LTBR: variants seen among roughly 807,000 people sequenced by gnomAD.
The protein encoded by LTBR is lymphotoxin beta receptor, also known as tumor necrosis factor receptor superfamily member 3.
A neutral mutation model predicts 45.4 loss-of-function variants in LTBR; 15 were observed. That is an observed-to-expected ratio of 0.33 (90% CI 0.22 to 0.51). LTBR has a LOEUF of 0.51. Among genes scored for constraint, LTBR ranks in the 20% least tolerant of loss-of-function variants. The pLI is 0.97. For missense variants in LTBR, 450 were observed against 565.5 expected (o/e 0.80, Z 2.07); for synonymous variants, 228 against 231.0 (o/e 0.99, Z 0.12).
chr12:6,386,495 T>A lies in LTBR; in HGVS notation c.667+51T>A. ...GGGGGGGGCGCCTCTGAAAATGCCTTAATGCTCCACATCTTAAAAAAAATG... is the reference window on the plus strand; with the variant it reads ...GGGGGGGGCGCCTCTGAAAATGCCTAAATGCTCCACATCTTAAAAAAAATG... On this transcript the variant is annotated intron_variant, in intron 6 of 9. Coordinates refer to ENST00000228918, the MANE Select transcript of LTBR (RefSeq NM_002342.3). The surrounding 1 kb of genome is among the most constrained non-coding windows in gnomAD (Gnocchi z 4.1). 1 of 1,383,782 alleles carries A rather than the reference T, an allele frequency of 7.2e-7. No individual in the cohort carries two copies. Among genetic ancestry groups the A allele is most frequent in the Non-Finnish European group, 1.0e-6 (1 of 976,338 alleles). 85.7% of individuals were successfully genotyped at this position (1,383,782 alleles called of 1,614,324 possible).
chr12:6,378,578 C>T (rs1948943947), intron 1 of LTBR, among the ~76,000 whole-genome samples: 1 of 151,982 alleles, frequency 6.6e-6, no homozygotes, highest in Non-Finnish European at 1.5e-5. Flanking sequence ...TGGACAAAGA[C>T]TTTTTCCAGC....
chr12:6,390,020 AAG>A (rs1353793259), intron 8 of LTBR, 90 bp from the exon 9 acceptor site: 1 of 794,804 alleles, frequency 1.3e-6, no homozygotes, highest in African/African-American at 1.7e-5. Flanking sequence ...GAAAGAAAGA[AAG>A]AGAAAGAGAG....
chr12:6,389,209 G>C (rs1366558654), intron 8 of LTBR: 1 of 195,860 alleles, frequency 5.1e-6, no homozygotes, highest in African/African-American at 2.3e-5. Flanking sequence ...AAGAAGCAAG[G>C]AGCCAGCCAT....
At chr12:6,387,412 C>T (rs1331594808) in intron 6 of LTBR, 1 of 152,200 alleles carries the variant, frequency 6.6e-6, no homozygotes, top group Non-Finnish European at 1.5e-5. Context: ...GTATCAAATA[C>T]AACTGGCATT....
rs1949102871 is a variant in LTBR at position 6,390,643 on chromosome 12, T to C, written c.1031-17T>C. ...TGGGGGCCTTCCTTCCTCAACACTC[T>C]GCCTCCCTTCCTACAGGTACCAATG... On this transcript the variant is annotated splice_polypyrimidine_tract_variant and intron_variant, in intron 9 of 9. Transcript: ENST00000228918. 6.0e-6 allele frequency: 9 copies of C among 1,500,008 alleles called. No homozygotes were observed. The highest frequency in any genetic ancestry group is 8.0e-6 in the Non-Finnish European group (9 of 1,125,236). 92.9% of individuals were successfully genotyped at this position (1,500,008 alleles called of 1,614,324 possible).
chr12:6,385,489 C>A, intron 4 of LTBR, 110 bp downstream of exon 4: 1 of 1,282,688 alleles, frequency 7.8e-7, no homozygotes, highest in Non-Finnish European at 1.1e-6. Flanking sequence ...AGATCCTTGG[C>A]TTAAAATTCC....
chr12:6,388,515 G>C lies in LTBR; in HGVS notation c.775+10G>C. The C allele has an allele frequency of 6.2e-7, 1 of 1,611,194 alleles. No individual in the cohort carries two copies. The highest frequency in any genetic ancestry group is 8.5e-7 in the Non-Finnish European group (1 of 1,177,438). Reference sequence around the variant, plus strand: ...CTCTGCAGGAAACTGGGTAGGAAAGGGTTGGATGCAGTGGATGGTTGGCAA... The same window carrying C: ...CTCTGCAGGAAACTGGGTAGGAAAGCGTTGGATGCAGTGGATGGTTGGCAA... On this transcript the variant is annotated intron_variant, in intron 7 of 9. Coordinates refer to ENST00000228918, the MANE Select transcript of LTBR (RefSeq NM_002342.3). This position sits in a 1 kb window ranked among gnomAD's most constrained non-coding sequence, Gnocchi z 4.3.
Position 6,384,435 on chromosome 12 carries a change from C to A in LTBR, c.77C>A (p.Ala26Glu), listed in dbSNP as rs1421299111. Residue 26 changes from alanine (A) to glutamate (E), a missense_variant, in exon 1 of 10, where the codon GCA (alanine) becomes GAA (glutamate). Ala to Glu is a moderately radical substitution (Grantham distance 107, BLOSUM62 -1). Around this residue, in one of 3 missense-constraint regions of LTBR, gnomAD observed 367 missense variants for 435.4 expected, o/e 0.84. Coordinates refer to ENST00000228918, the MANE Select transcript of LTBR (RefSeq NM_002342.3). ...GTGCTGGGCCTCTTCGGGCTCCTGG[C>A]AGCATCGCAGCCCCAGGCGGTGAGG... is the stretch of plus-strand genomic sequence containing the variant. Reference protein sequence around the residue: ...PLVLGLFGLLAASQPQAVPPY... With the variant: ...PLVLGLFGLLEASQPQAVPPY... The A allele has an allele frequency of 6.5e-7, 1 of 1,549,512 alleles. No individual in the cohort carries two copies. The highest frequency in any genetic ancestry group is 1.9e-5 in the Admixed American group (1 of 51,458).
In LTBR at chr12:6,388,590, C is replaced by T. The variant is rs1008919426; in HGVS notation, c.775+85C>T. On this transcript the variant is annotated intron_variant, in intron 7 of 9. Transcript: ENST00000228918. The surrounding 1 kb of genome is among the most constrained non-coding windows in gnomAD (Gnocchi z 4.3). ...AACTTCCCCGGTGCAACCCTCCACA[C>T]CCTCAAGACTCCCAATGCCTACCCC... The T allele has an allele frequency of 4.1e-6, 5 of 1,229,304 alleles. No individual in the cohort carries two copies. The East Asian group carries it at 1.2e-4, about 29-fold the overall frequency. 76.1% of individuals were successfully genotyped at this position (1,229,304 alleles called of 1,614,324 possible). A position where few individuals can be genotyped will look rare whatever the true frequency, so the allele number is the denominator to read the frequency against.
intron 1 of LTBR, 39 bp from the exon 2 acceptor site, chr12:6,384,549 G>A (rs1169344463): frequency 6.2e-7 from 1 of 1,611,270 alleles, no homozygotes; most frequent in Admixed American, 1.7e-5. Context: ...GCTGACCCCT[G>A]ACTAATTCTT....
intron 1 of LTBR, chr12:6,377,620 C>T: frequency 7.7e-7 from 1 of 1,291,154 alleles, no homozygotes; most frequent in Non-Finnish European, 1.0e-6. Flanking sequence ...CCCCACATAT[C>T]CCAGAGACCC....
rs1949018566 is a variant in LTBR at position 6,384,679 on chromosome 12, C to T, written c.188C>T (p.Pro63Leu). The stretch of plus-strand genomic sequence containing the variant: ...CACCGCATCTGCTGCTCCCGCTGCC[C>T]GCCAGGTGAGAGGCAATGGCAGGAC... ...PQHRICCSRC[P>L]PGTYVSAKCS... The change falls in exon 2 of 10, where the codon CCG (proline) becomes CTG (leucine). Residue 63 changes from proline to leucine, a missense_variant. Pro to Leu is a moderately conservative substitution (Grantham distance 98, BLOSUM62 -3). This residue lies in a region of LTBR where 367 missense variants were observed against 435.4 expected (regional missense o/e 0.84). Transcript: ENST00000228918. 1 of 1,614,084 alleles carries T rather than the reference C, an allele frequency of 6.2e-7. No homozygotes were observed. Among genetic ancestry groups the T allele is most frequent in the Non-Finnish European group, 8.5e-7 (1 of 1,179,938 alleles).
upstream of LTBR, chr12:6,375,221 GT>G (rs1466462318): frequency 1.1e-5 from 16 of 1,441,552 alleles, no homozygotes; most frequent in Non-Finnish European, 9.1e-7. Context: ...TCTGCCTTCT[GT>G]TTCTCTTTGG....
chr12:6,384,441 CGCA>C lies in LTBR; in HGVS notation c.86_88del (p.Gln29del). On this transcript the variant is annotated inframe_deletion, in exon 1 of 10. Coordinates refer to ENST00000228918, the MANE Select transcript of LTBR (RefSeq NM_002342.3). ...GGCCTCTTCGGGCTCCTGGCAGCAT[CGCA>C]GCCCCAGGCGGTGAGGAAGGGGCCT... 23 of 1,551,550 alleles carry C rather than the reference CGCA, an allele frequency of 1.5e-5. No individual in the cohort carries two copies. The highest frequency in any genetic ancestry group is 1.9e-5 in the Non-Finnish European group (22 of 1,150,712).
At chr12:6,381,936 C>T (rs916757745), upstream of LTBR, among the ~76,000 whole-genome samples, 3 of 152,166 alleles carry the variant, frequency 2.0e-5, no homozygotes, top group African/African-American at 4.8e-5. Flanking sequence ...TGCACCACTG[C>T]ACTCCAGCCT....
chr12:6,386,416 A>G lies in LTBR; in HGVS notation c.639A>G (p.Pro213=), dbSNP rs374274216. The G allele has an allele frequency of 1.9e-6, 3 of 1,613,208 alleles. No individual in the cohort carries two copies. Among genetic ancestry groups the G allele is most frequent in the East Asian group, 4.5e-5 (2 of 44,876 alleles). Residue 213 remains proline (P), a synonymous_variant, in exon 6 of 10, where the codon CCA becomes CCG. Coordinates refer to ENST00000228918, the MANE Select transcript of LTBR (RefSeq NM_002342.3). The surrounding 1 kb of genome is among the most constrained non-coding windows in gnomAD (Gnocchi z 4.1). ...TAQSDTTCKN[P]LEPLPPEMSG... ...AGTCCGACACAACCTGCAAAAATCCATTAGAGCCACTGCCCCCAGAGATGT... is the reference window on the plus strand; with the variant it reads ...AGTCCGACACAACCTGCAAAAATCCGTTAGAGCCACTGCCCCCAGAGATGT...
chr12:6,388,235 T>C lies in LTBR; in HGVS notation c.668-163T>C. The C allele has an allele frequency of 1.7e-6, 1 of 594,608 alleles. No individual in the cohort carries two copies. Among genetic ancestry groups the C allele is most frequent in the South Asian group, 2.0e-5 (1 of 50,880 alleles). 36.8% of individuals were successfully genotyped at this position (594,608 alleles called of 1,614,324 possible). ...CCCCTTCTCTATAACCCAAGGGAAG[T>C]TTCTCTCATTCTGCCTTTAGGAGCT... is the stretch of plus-strand genomic sequence containing the variant. On this transcript the variant is annotated intron_variant, in intron 6 of 9. Coordinates refer to ENST00000228918, the MANE Select transcript of LTBR (RefSeq NM_002342.3). This position sits in a 1 kb window ranked among gnomAD's most constrained non-coding sequence, Gnocchi z 4.3.
chr12:6,387,182 T>C (rs868451439), intron 6 of LTBR: 1 of 152,168 alleles, frequency 6.6e-6, no homozygotes, highest in Non-Finnish European at 1.5e-5. Flanking sequence ...AATTAGAGAC[T>C]TCAGATAAGC....
At chr12:6,384,128 G>T (rs539192063), upstream of LTBR, 39 of 1,263,480 alleles carry the variant, frequency 3.1e-5, no homozygotes, top group South Asian at 5.0e-4. Flanking sequence ...GGCTCCCAGC[G>T]CTCCCTGTCC....
Sources: gnomAD v4.1 joint callset for allele counts (sites outside exome capture counted in the v4.1 genomes callset) on GRCh38, gnomAD v4.1.1 for gene constraint, gnomAD v4.1.1 regional missense constraint, Gnocchi (gnomAD v3.1) non-coding constraint, MANE v1.5 for transcripts, NCBI Gene and HGNC (gene_info 2026-07-23, HGNC 2026-07-21) for gene names.